Variants in ATP8A2 observed in about 807,000 individuals in gnomAD.
ATP8A2 encodes ATPase phospholipid transporting 8A2.
A neutral mutation model predicts 165.6 loss-of-function variants in ATP8A2; 100 were observed. That is an observed-to-expected ratio of 0.60 (90% CI 0.51 to 0.71). The LOEUF (loss-of-function observed/expected upper bound fraction) is 0.71, where lower values mean the gene tolerates loss of function less well. ATP8A2 is among the 30% of genes least tolerant of loss of function. The pLI, the probability that ATP8A2 is intolerant of heterozygous loss-of-function variation, is 0.00. For missense variants in ATP8A2, 1,227 were observed against 1,479.5 expected (o/e 0.83, Z 2.80); for synonymous variants, 543 against 548.8 (o/e 0.99, Z 0.15).
chr13:25,531,263 A>ATATATATGTTATATGTGATATATATGT (rs1555291099), intron 4 of ATP8A2, among the ~76,000 whole-genome samples: 1 of 85,512 alleles, frequency 1.2e-5, no homozygotes, highest in African/African-American at 4.8e-5. Context: ...GATATATATG[A>ATATATATGTTATATGTGATATATATGT]TATATATGAT....
chr13:25,664,868 C>A (rs1204709157), intron 24 of ATP8A2, among the ~76,000 whole-genome samples: 1 of 150,706 alleles, frequency 6.6e-6, no homozygotes, highest in Admixed American at 6.6e-5. Flanking sequence ...TTCTTGAATG[C>A]GAGAGAGCTT....
At chr13:25,722,980 G>A (rs1030191056) in intron 25 of ATP8A2, among the ~76,000 whole-genome samples, 2 of 152,180 alleles carry the variant, frequency 1.3e-5, no homozygotes, top group Non-Finnish European at 2.9e-5. Flanking sequence ...GGTTACTTGA[G>A]TTTACTCCGT....
intron 33 of ATP8A2, among the ~76,000 whole-genome samples, chr13:25,902,615 GCGTGTGTGTATGCA>G (rs1394304486): frequency 1.3e-5 from 2 of 150,218 alleles, no homozygotes; most frequent in African/African-American, 2.4e-5. Context: ...TGTCCATTCT[GCGTGTGTGTATGCA>G]CGTGTGTGTG....
At chr13:25,560,533 C>G (rs889542083) in intron 15 of ATP8A2, among the ~76,000 whole-genome samples, 1 of 151,544 alleles carries the variant, frequency 6.6e-6, no homozygotes, top group Non-Finnish European at 1.5e-5. Context: ...AACCCTGTCT[C>G]TACTAAAAAT....
At chr13:25,539,060 A>T (rs1480233652) in intron 7 of ATP8A2, among the ~76,000 whole-genome samples, 2 of 137,408 alleles carry the variant, frequency 1.5e-5, no homozygotes, top group African/African-American at 2.7e-5. Flanking sequence ...TAGAAAATTT[A>T]GTGTGTGTGT....
At chr13:25,968,727 C>G (rs1955844655) in intron 35 of ATP8A2, 48 bp downstream of exon 35, 2 of 1,437,982 alleles carry the variant, frequency 1.4e-6, no homozygotes, top group African/African-American at 2.8e-5. Flanking sequence ...GCTCCCGGCC[C>G]TTTTCCCTTA....
chr13:25,656,846 A>G (rs1047351914), intron 24 of ATP8A2, among the ~76,000 whole-genome samples: 11 of 151,540 alleles, frequency 7.3e-5, no homozygotes, highest in Non-Finnish European at 1.3e-4. Flanking sequence ...TGAGGCCAGG[A>G]GTTCAAAACT....
intron 33 of ATP8A2, among the ~76,000 whole-genome samples, chr13:25,868,514 C>G (rs1294492829): frequency 3.3e-5 from 5 of 151,952 alleles, no homozygotes; most frequent in African/African-American, 1.2e-4. Flanking sequence ...GAAATTGGCC[C>G]AATTATTCAT....
chr13:25,650,694 A>G (rs1034722358), intron 24 of ATP8A2, among the ~76,000 whole-genome samples: 6 of 152,152 alleles, frequency 3.9e-5, no homozygotes, highest in African/African-American at 1.4e-4. Flanking sequence ...TTATCAGGTT[A>G]TTATGAACAT....
chr13:25,873,401 T>G (rs1325484130), intron 33 of ATP8A2, among the ~76,000 whole-genome samples: 1 of 152,182 alleles, frequency 6.6e-6, no homozygotes, highest in Non-Finnish European at 1.5e-5. Flanking sequence ...ACGACTTGGG[T>G]CATACTTGTG....
intron 1 of ATP8A2, among the ~76,000 whole-genome samples, chr13:25,419,277 C>T (rs775197083): frequency 3.6e-4 from 54 of 152,096 alleles, no homozygotes; most frequent in Non-Finnish European, 5.0e-4. Context: ...CTCCAAATAC[C>T]CTCATCTAAA....
At chr13:25,379,427 C>T (rs1002293153) in intron 1 of ATP8A2, among the ~76,000 whole-genome samples, 1 of 152,100 alleles carries the variant, frequency 6.6e-6, no homozygotes, top group African/African-American at 2.4e-5. Context: ...GCTTTTTTCA[C>T]GGTCATGATA....
At chr13:25,738,081 G>T (rs943673768) in intron 25 of ATP8A2, among the ~76,000 whole-genome samples, 2 of 152,172 alleles carry the variant, frequency 1.3e-5, no homozygotes, top group African/African-American at 4.8e-5. Flanking sequence ...AGGCACACTG[G>T]CTTGGTTAAT....
chr13:25,988,346 G>C lies in ATP8A2; in HGVS notation c.3377+19667G>C, dbSNP rs75403546. 1.6e-3 allele frequency among the ~76,000 whole-genome samples: 248 copies of C among 152,318 alleles called. 1 individual carries two copies. Among genetic ancestry groups the C allele is most frequent in the Non-Finnish European group, 2.2e-3 (148 of 68,024 alleles). On this transcript the variant is annotated intron_variant, in intron 35 of 36. Transcript: ENST00000381655. ...CCCCAACTCTCTGGTAATGAGGATG[G>C]CAGCCATATGCTTTCTCATGCATCC...
chr13:25,874,339 G>A (rs553179023), intron 33 of ATP8A2, among the ~76,000 whole-genome samples: 2 of 152,182 alleles, frequency 1.3e-5, no homozygotes, highest in Non-Finnish European at 2.9e-5. Context: ...CCAAGTTAAT[G>A]CTTACACGAT....
At chr13:25,829,404 AT>A (rs1298852399) in intron 28 of ATP8A2, among the ~76,000 whole-genome samples, 1 of 151,860 alleles carries the variant, frequency 6.6e-6, no homozygotes, top group Non-Finnish European at 1.5e-5. Context: ...CTACCCATGG[AT>A]GGGGGCTCCA....
In ATP8A2 at chr13:25,669,189, C is replaced by T. The variant is rs60562281; in HGVS notation, c.2212-29984C>T. ...GAAATCAGATTCTCTCCCCTAACCA[C>T]GGTCTATTATTGTTGACTCTTGAGG... On this transcript the variant is annotated intron_variant, in intron 24 of 36. Transcript: ENST00000381655. Among the ~76,000 whole-genome samples, 8 of 152,092 alleles carry T rather than the reference C, an allele frequency of 5.3e-5. No homozygotes were observed. In the East Asian group the frequency reaches 7.8e-4, roughly 15 times the overall value.
intron 33 of ATP8A2, among the ~76,000 whole-genome samples, chr13:25,869,803 G>A (rs1952626212): frequency 6.6e-6 from 1 of 152,150 alleles, no homozygotes; most frequent in Admixed American, 6.5e-5. Flanking sequence ...CTGACCCCAC[G>A]GTAGTGTCTA....
At chr13:25,827,091 T>TTTG (rs1951339890) in intron 27 of ATP8A2, among the ~76,000 whole-genome samples, 1 of 152,128 alleles carries the variant, frequency 6.6e-6, no homozygotes, top group Non-Finnish European at 1.5e-5. Context: ...TTTTTGTTTT[T>TTTG]TTTGTTTGTT....
Sources: gnomAD v4.1 joint callset for allele counts (sites outside exome capture counted in the v4.1 genomes callset) on GRCh38, gnomAD v4.1.1 for gene constraint, MANE v1.5 for transcripts, NCBI Gene and HGNC (gene_info 2026-07-23, HGNC 2026-07-21) for gene names.